The following ERP44 variants were observed in gnomAD, a reference collection of about 807,000 sequenced individuals.
The protein encoded by ERP44 is endoplasmic reticulum protein 44, also known as endoplasmic reticulum resident protein 44.
Under a neutral mutation model 53.4 loss-of-function variants are expected in ERP44, and 25 were observed. That is an observed-to-expected ratio of 0.47 (90% CI 0.34 to 0.65). The LOEUF (loss-of-function observed/expected upper bound fraction) is 0.65, where lower values mean the gene tolerates loss of function less well. Ranked by LOEUF, ERP44 falls within the 30% of genes least tolerant of loss-of-function variation. The probability of loss-of-function intolerance (pLI) is 0.01; values close to 1 mark genes in which losing one functional copy is unlikely to be tolerated. For synonymous variants in ERP44, 145 were observed against 161.2 expected, an observed-to-expected ratio of 0.90 and a Z score of 0.76; for missense variants, 338 against 493.2, an observed-to-expected ratio of 0.69 and a Z score of 2.98.
At chr9:99,997,863 C>G (rs1462118847) in intron 10 of ERP44, among the ~76,000 whole-genome samples, 3 of 151,122 alleles carry the variant, frequency 2.0e-5, no homozygotes, top group Non-Finnish European at 4.4e-5. Flanking sequence ...GCTCTTTACT[C>G]GACACCACAG....
intron 4 of ERP44, among the ~76,000 whole-genome samples, chr9:100,037,490 C>T (rs188306232): frequency 6.6e-6 from 1 of 152,206 alleles, no homozygotes; most frequent in Non-Finnish European, 1.5e-5. Flanking sequence ...AGATATATGA[C>T]CTACTGAGAC....
chr9:100,071,106 T>TTTC (rs1826298367), intron 1 of ERP44, among the ~76,000 whole-genome samples: 1 of 150,182 alleles, frequency 6.7e-6, no homozygotes, highest in South Asian at 2.2e-4. Context: ...TTTTTTTTTT[T>TTTC]TTTTTTGAGA....
At chr9:100,030,438 G>T (rs992657861) in intron 4 of ERP44, among the ~76,000 whole-genome samples, 19 of 152,180 alleles carry the variant, frequency 1.2e-4, no homozygotes, top group African/African-American at 4.6e-4. Context: ...ACTGAGGGGA[G>T]TTAGAGTGTC....
At chr9:99,991,584 C>A (rs1830255552) in intron 10 of ERP44, among the ~76,000 whole-genome samples, 1 of 152,092 alleles carries the variant, frequency 6.6e-6, no homozygotes, top group Admixed American at 6.5e-5. Context: ...AATTTATACC[C>A]TACCATCACA....
At chr9:100,010,837 G>A (rs1264254494) in intron 8 of ERP44, among the ~76,000 whole-genome samples, 10 of 149,188 alleles carry the variant, frequency 6.7e-5, no homozygotes, top group Non-Finnish European at 5.9e-5. Flanking sequence ...GGGGGCAGAG[G>A]TTACAGTGAG....
chr9:100,088,971 T>G (rs1292084120), intron 1 of ERP44, among the ~76,000 whole-genome samples: 2 of 152,204 alleles, frequency 1.3e-5, no homozygotes, highest in African/African-American at 4.8e-5. Context: ...GCTTTAAAAA[T>G]GTAGCACAGT....
chr9:99,999,008 G>T, intron 10 of ERP44: 1 of 1,091,910 alleles, frequency 9.2e-7, no homozygotes, highest in Non-Finnish European at 1.4e-6. Flanking sequence ...AAGTAGTCGT[G>T]CGTGGGCAGC....
intron 1 of ERP44, among the ~76,000 whole-genome samples, chr9:100,089,162 G>A (rs1326669049): frequency 6.6e-6 from 1 of 152,202 alleles, no homozygotes; most frequent in Admixed American, 6.5e-5. Flanking sequence ...TATTCCCACT[G>A]CAGACATAAC....
intron 4 of ERP44, among the ~76,000 whole-genome samples, chr9:100,051,368 T>C (rs1826035107): frequency 6.6e-6 from 1 of 152,206 alleles, no homozygotes; most frequent in Non-Finnish European, 1.5e-5. Flanking sequence ...ATCAGTAAAA[T>C]GAAAAGTTAG....
At chr9:100,061,014 C>T (rs1826140367) in intron 1 of ERP44, among the ~76,000 whole-genome samples, 1 of 152,152 alleles carries the variant, frequency 6.6e-6, no homozygotes, top group Admixed American at 6.5e-5. Context: ...AAGACTATTC[C>T]TTTGCCCACC....
chr9:99,990,782 G>C (rs763125995), intron 10 of ERP44, among the ~76,000 whole-genome samples: 1 of 152,076 alleles, frequency 6.6e-6, no homozygotes, highest in Non-Finnish European at 1.5e-5. Flanking sequence ...CTCACGTGCA[G>C]AGACACACAT....
intron 1 of ERP44, among the ~76,000 whole-genome samples, chr9:100,090,279 C>G (rs1047405455): frequency 6.6e-5 from 10 of 152,134 alleles, no homozygotes; most frequent in African/African-American, 2.4e-4. Context: ...GGCCAGAACT[C>G]CAGTAATAAG....
chr9:100,054,125 T>C (rs1826065514), intron 3 of ERP44, among the ~76,000 whole-genome samples: 1 of 152,184 alleles, frequency 6.6e-6, no homozygotes, highest in East Asian at 1.9e-4. Flanking sequence ...TTTCCTCTTT[T>C]AGCATTCTTA....
intron 4 of ERP44, among the ~76,000 whole-genome samples, chr9:100,048,907 C>T (rs549661426): frequency 6.6e-6 from 1 of 151,810 alleles, no homozygotes; most frequent in Admixed American, 6.5e-5. Context: ...TGTAGAGCTT[C>T]AGTTTTGCAA....
chr9:100,010,856 G>A (rs754923634), intron 8 of ERP44, among the ~76,000 whole-genome samples: 6 of 145,854 alleles, frequency 4.1e-5, no homozygotes, highest in Non-Finnish European at 7.4e-5. Flanking sequence ...AGCCGAGATC[G>A]CACCATTGCA....
At chr9:100,068,634 A>G (rs1408408403) in intron 1 of ERP44, among the ~76,000 whole-genome samples, 72 of 114,148 alleles carry the variant, frequency 6.3e-4, no homozygotes, top group Middle Eastern at 5.9e-3. Flanking sequence ...TCAGCCCCCC[A>G]CCCGGCCAGC....
chr9:100,054,136 A>T (rs948895752), intron 3 of ERP44, among the ~76,000 whole-genome samples: 2 of 152,128 alleles, frequency 1.3e-5, no homozygotes, highest in Non-Finnish European at 2.9e-5. Context: ...AGCATTCTTA[A>T]ATCTCTCCCA....
chr9:100,092,759 T>G (rs1826574615), intron 1 of ERP44, among the ~76,000 whole-genome samples: 2 of 152,164 alleles, frequency 1.3e-5, no homozygotes, highest in African/African-American at 4.8e-5. Flanking sequence ...TGAAAAAAAT[T>G]CAACTTTGGT....
At chr9:100,096,842 G>T (rs984646247) in intron 1 of ERP44, among the ~76,000 whole-genome samples, 7 of 152,146 alleles carry the variant, frequency 4.6e-5, no homozygotes, top group Non-Finnish European at 8.8e-5. Context: ...CAAATTATTA[G>T]ACAGCGAGAA....
Sources: gnomAD v4.1 joint callset for allele counts (sites outside exome capture counted in the v4.1 genomes callset) on GRCh38, gnomAD v4.1.1 for gene constraint, MANE v1.5 for transcripts, NCBI Gene and HGNC (gene_info 2026-07-23, HGNC 2026-07-21) for gene names.